The following TMEM50B variants were observed in gnomAD, a reference collection of about 807,000 sequenced individuals.
TMEM50B encodes HCV p7-trans-regulated protein 3.
Under a neutral mutation model 23.4 loss-of-function variants are expected in TMEM50B, and 14 were observed. That is an observed-to-expected ratio of 0.60 (90% CI 0.39 to 0.93). The LOEUF is 0.93. TMEM50B is among the 40% of genes least tolerant of loss of function. The pLI, the probability that TMEM50B is intolerant of heterozygous loss-of-function variation, is 0.00. For missense variants in TMEM50B, 159 were observed against 193.0 expected, an observed-to-expected ratio of 0.82 and a Z score of 1.04; for synonymous variants, 64 against 62.3, an observed-to-expected ratio of 1.03 and a Z score of -0.13.
At chr21:33,444,290 G>A (rs1216053844), downstream of TMEM50B, among the ~76,000 whole-genome samples, 2 of 152,206 alleles carry the variant, frequency 1.3e-5, no homozygotes, top group Non-Finnish European at 2.9e-5. Flanking sequence ...GCTCACGCCT[G>A]TAATCCTAGC....
chr21:33,460,718 G>A (rs889379066), intron 4 of TMEM50B, among the ~76,000 whole-genome samples: 1 of 149,474 alleles, frequency 6.7e-6, no homozygotes, highest in African/African-American at 2.5e-5. Context: ...AGGAAAAAAA[G>A]AAAGTTACCT....
Position 33,470,912 on chromosome 21 carries a change from C to T in TMEM50B, c.-41-1986G>A, listed in dbSNP as rs184119957. On this transcript the variant is annotated intron_variant, in intron 1 of 6. Coordinates refer to ENST00000542230, the MANE Select transcript of TMEM50B (RefSeq NM_006134.7). Reference sequence around the variant, plus strand: ...CTCAAAGAAAAAAAAAGAAAGAAAACACAGTAAGTGGGATCAGCTGTTCCC... The same window carrying T: ...CTCAAAGAAAAAAAAAGAAAGAAAATACAGTAAGTGGGATCAGCTGTTCCC... Among the ~76,000 whole-genome samples the T allele has an allele frequency of 3.9e-5, 6 of 152,110 alleles. No homozygotes were observed. In the East Asian group the frequency reaches 7.7e-4, roughly 20 times the overall value.
At chr21:33,439,033 G>A (rs912009607) in intron 8 of TMEM50B, among the ~76,000 whole-genome samples, 1 of 152,072 alleles carries the variant, frequency 6.6e-6, no homozygotes, top group Admixed American at 6.6e-5. Context: ...CGGCAAAAGT[G>A]GCTAACTCTC....
chr21:33,478,411 G>A (rs2084393846), intron 1 of TMEM50B, among the ~76,000 whole-genome samples: 1 of 152,132 alleles, frequency 6.6e-6, no homozygotes, highest in South Asian at 2.1e-4. Flanking sequence ...AGGCTGCAGT[G>A]AGCAGAGATC....
At chr21:33,468,261 A>C (rs989528358) in intron 2 of TMEM50B, among the ~76,000 whole-genome samples, 2 of 152,084 alleles carry the variant, frequency 1.3e-5, no homozygotes, top group East Asian at 3.8e-4. Flanking sequence ...AAATGATGGA[A>C]AGAAAATTAA....
chr21:33,466,956 A>G (rs1334059824), intron 3 of TMEM50B, 54 bp downstream of exon 3: 2 of 1,455,462 alleles, frequency 1.4e-6, no homozygotes, highest in East Asian at 2.3e-5. Context: ...GCACATTAAC[A>G]GGAAAGTATT....
At chr21:33,441,471 T>C (rs1420168692) in intron 7 of TMEM50B, among the ~76,000 whole-genome samples, 1 of 152,146 alleles carries the variant, frequency 6.6e-6, no homozygotes, top group Non-Finnish European at 1.5e-5. Flanking sequence ...TGTTTTAAGA[T>C]AATTATCCTT....
At chr21:33,452,570 A>C (rs1386049762) in intron 6 of TMEM50B, among the ~76,000 whole-genome samples, 1 of 152,234 alleles carries the variant, frequency 6.6e-6, no homozygotes, top group East Asian at 1.9e-4. Flanking sequence ...AAACACTCAA[A>C]GGGTATGACT....
intron 2 of TMEM50B, 161 bp from the exon 3 acceptor site, chr21:33,467,283 T>C: frequency 1.6e-6 from 1 of 607,922 alleles, no homozygotes; most frequent in Non-Finnish European, 2.9e-6. Context: ...GTGGATTACT[T>C]GAGGTCAGGA....
intron 7 of TMEM50B, among the ~76,000 whole-genome samples, chr21:33,440,960 C>T (rs1042846226): frequency 4.0e-5 from 6 of 151,506 alleles, no homozygotes; most frequent in African/African-American, 1.2e-4. Flanking sequence ...CAGGGCACGG[C>T]GGCTCACACC....
intron 1 of TMEM50B, chr21:33,479,349 G>A (rs1434261621): frequency 6.6e-6 from 1 of 152,490 alleles, no homozygotes; most frequent in Non-Finnish European, 1.5e-5. Flanking sequence ...AGAAAACACA[G>A]GCTCCTAGCA....
At chr21:33,461,888 A>G (rs2084220118) in intron 4 of TMEM50B, among the ~76,000 whole-genome samples, 1 of 152,200 alleles carries the variant, frequency 6.6e-6, no homozygotes, top group African/African-American at 2.4e-5. Context: ...GAATTAAACA[A>G]GAAAAAAATT....
At chr21:33,452,284 G>T (rs1267361132) in intron 6 of TMEM50B, among the ~76,000 whole-genome samples, 2 of 152,222 alleles carry the variant, frequency 1.3e-5, no homozygotes, top group Non-Finnish European at 2.9e-5. Flanking sequence ...TCCAGGTAGA[G>T]CATGGTGGTC....
At position 33,468,946 on chromosome 21, in the gene TMEM50B, A is replaced by G; in HGVS notation, c.-41-20T>C. The G allele has an allele frequency of 7.8e-7, 1 of 1,276,930 alleles. No individual in the cohort carries two copies. Among genetic ancestry groups the G allele is most frequent in the Non-Finnish European group, 1.1e-6 (1 of 889,700 alleles). The allele number at this position is 1,276,930 out of a possible 1,614,324, so 79.1% of individuals were successfully genotyped here. A position where few individuals can be genotyped will look rare whatever the true frequency, so the allele number is the denominator to read the frequency against. On this transcript the variant is annotated intron_variant, in intron 1 of 6. Coordinates refer to ENST00000542230, the MANE Select transcript of TMEM50B (RefSeq NM_006134.7). The stretch of plus-strand genomic sequence containing the variant: ...TGTATCCTACAAACAGAAAGACAAA[A>G]ACTAATCAACCTAAGAAAATGTTTT...
intron 7 of TMEM50B, among the ~76,000 whole-genome samples, chr21:33,443,104 T>C (rs2084022300): frequency 1.3e-5 from 2 of 152,206 alleles, no homozygotes; most frequent in Admixed American, 1.3e-4. Flanking sequence ...AATAAGAGTA[T>C]TTTTGTATCT....
At chr21:33,446,390 C>T (rs530353695), downstream of TMEM50B, among the ~76,000 whole-genome samples, 58 of 151,298 alleles carry the variant, frequency 3.8e-4, no homozygotes, top group African/African-American at 1.4e-3. Context: ...GCATGTACCA[C>T]CATACTTGGC....
At chr21:33,466,479 A>G (rs1601128071) in intron 3 of TMEM50B, among the ~76,000 whole-genome samples, 2 of 152,174 alleles carry the variant, frequency 1.3e-5, no homozygotes, top group East Asian at 3.8e-4. Flanking sequence ...ACAGTCAAGT[A>G]GCACATTAAA....
downstream of TMEM50B, among the ~76,000 whole-genome samples, chr21:33,445,838 AG>A (rs1285942735): frequency 6.6e-6 from 1 of 152,220 alleles, no homozygotes; most frequent in Non-Finnish European, 1.5e-5. Context: ...TATTATTTCC[AG>A]GAACTTTGTT....
chr21:33,451,720 T>C (rs1011666945), intron 6 of TMEM50B, among the ~76,000 whole-genome samples: 2 of 152,134 alleles, frequency 1.3e-5, no homozygotes, highest in Admixed American at 6.6e-5. Context: ...AATCTGGATA[T>C]ACGGTTTAGG....
Sources: gnomAD v4.1 joint callset for allele counts (sites outside exome capture counted in the v4.1 genomes callset) on GRCh38, gnomAD v4.1.1 for gene constraint, MANE v1.5 for transcripts, NCBI Gene and HGNC (gene_info 2026-07-23, HGNC 2026-07-21) for gene names.